ANKRD6: variants seen among roughly 807,000 people sequenced by gnomAD.
ANKRD6 encodes the protein ankyrin repeat domain 6.
ANKRD6 carries 56 observed loss-of-function variants against 82.3 expected under a neutral mutation model. That is an observed-to-expected ratio of 0.68 (90% CI 0.55 to 0.85). ANKRD6 has a LOEUF of 0.85. Among genes scored for constraint, ANKRD6 ranks in the 40% least tolerant of loss-of-function variants. The probability of loss-of-function intolerance (pLI) is 0.00; values close to 1 mark genes in which losing one functional copy is unlikely to be tolerated. For missense variants in ANKRD6, 852 were observed against 907.6 expected (o/e 0.94, Z 0.79); for synonymous variants, 347 against 352.1 (o/e 0.99, Z 0.16).
At chr6:89,626,691 T>C (rs1805813493) in intron 13 of ANKRD6, among the ~76,000 whole-genome samples, 1 of 152,214 alleles carries the variant, frequency 6.6e-6, no homozygotes, top group Non-Finnish European at 1.5e-5. Context: ...TTCCTAACAA[T>C]AGTTCCTTTC....
rs570916646 is a variant in ANKRD6, at chr6:89,557,809, T to G, written c.-143-9025T>G. ...CGGCAGCGTTAGATTCTTATAGGAG[T>G]GTGAACCCTACTGTGAACTGCACAT... On this transcript the variant is annotated intron_variant, in intron 1 of 15. Coordinates refer to ENST00000339746, the MANE Select transcript of ANKRD6 (RefSeq NM_001242809.2). Among the ~76,000 whole-genome samples the G allele has an allele frequency of 4.6e-5, 7 of 151,976 alleles. 1 individual carries two copies. The South Asian group carries it at 1.3e-3, about 27-fold the overall frequency.
intron 1 of ANKRD6, among the ~76,000 whole-genome samples, chr6:89,537,704 C>T (rs1784000199): frequency 6.6e-6 from 1 of 151,506 alleles, no homozygotes; most frequent in South Asian, 2.1e-4. Context: ...GCTTGACCAG[C>T]CTGGGTAACA....
At chr6:89,602,782 G>T (rs1797534355) in intron 3 of ANKRD6, 2 of 497,534 alleles carry the variant, frequency 4.0e-6, no homozygotes, top group African/African-American at 1.9e-5. Flanking sequence ...TGTGGCCGAG[G>T]GCTATTCTTG....
intron 1 of ANKRD6, among the ~76,000 whole-genome samples, chr6:89,452,834 A>G (rs1773018320): frequency 6.6e-6 from 1 of 152,184 alleles, no homozygotes; most frequent in Non-Finnish European, 1.5e-5. Flanking sequence ...CCTGGCGGCC[A>G]GGAAGGCCTG....
intron 1 of ANKRD6, among the ~76,000 whole-genome samples, chr6:89,516,634 T>C (rs534545462): frequency 2.0e-5 from 3 of 152,208 alleles, no homozygotes; most frequent in Admixed American, 6.5e-5. Context: ...GTGCCACCAC[T>C]CCCAGCTAAT....
intron 1 of ANKRD6, among the ~76,000 whole-genome samples, chr6:89,539,979 G>C (rs1461541410): frequency 6.6e-6 from 1 of 151,692 alleles, no homozygotes; most frequent in Non-Finnish European, 1.5e-5. Context: ...CTAATGACTG[G>C]ATCTCATTAT....
intron 1 of ANKRD6, among the ~76,000 whole-genome samples, chr6:89,471,371 A>C (rs1775441138): frequency 6.6e-6 from 1 of 151,304 alleles, no homozygotes; most frequent in African/African-American, 2.4e-5. Flanking sequence ...AAAAAAAAAA[A>C]AAAAAAAAAG....
intron 1 of ANKRD6, among the ~76,000 whole-genome samples, chr6:89,441,594 C>T (rs1255143820): frequency 6.7e-6 from 1 of 150,172 alleles, no homozygotes; most frequent in African/African-American, 2.5e-5. Flanking sequence ...CTGTGAGTGA[C>T]CATAGCCTTG....
intron 15 of ANKRD6, 121 bp from the exon 16 acceptor site, chr6:89,630,308 TGGTG>T (rs1807086037): frequency 8.9e-7 from 1 of 1,121,324 alleles, no homozygotes; most frequent in African/African-American, 1.6e-5. Flanking sequence ...ACGTTACACA[TGGTG>T]GGTGGTGATG....
Position 89,517,771 on chromosome 6 carries a change from G to C in ANKRD6, c.-143-49063G>C, listed in dbSNP as rs545818112. 4.7e-4 allele frequency among the ~76,000 whole-genome samples: 72 copies of C among 152,332 alleles called. 1 individual carries two copies. In the South Asian group the frequency reaches 0.015, roughly 31 times the overall value. On this transcript the variant is annotated intron_variant, in intron 1 of 15. Transcript: ENST00000339746. Reference sequence around the variant, plus strand: ...TTATGACAGTTAATTGCTAAACAGAGTAGATGCACAGAAACCCAGCTCTTG... The same window carrying C: ...TTATGACAGTTAATTGCTAAACAGACTAGATGCACAGAAACCCAGCTCTTG...
At position 89,632,244 on chromosome 6, in the gene ANKRD6, G is replaced by A. The variant is rs950345772; in HGVS notation, c.*1240G>A. On this transcript the variant is annotated 3_prime_UTR_variant, in exon 16 of 16. Coordinates refer to ENST00000339746, the MANE Select transcript of ANKRD6 (RefSeq NM_001242809.2). Reference sequence around the variant, plus strand: ...GCTCATTGAGCCAAAGAGAAGAAATGATTTATTAACATGGGGACACCAAGA... The same window carrying A: ...GCTCATTGAGCCAAAGAGAAGAAATAATTTATTAACATGGGGACACCAAGA... The A allele has an allele frequency of 6.6e-6, 1 of 152,138 alleles. No individual in the cohort carries two copies. Among genetic ancestry groups the A allele is most frequent in the Non-Finnish European group, 1.5e-5 (1 of 68,014 alleles). 9.4% of individuals were successfully genotyped at this position (152,138 alleles called of 1,614,324 possible).
chr6:89,554,473 T>C lies in ANKRD6; in HGVS notation c.-143-12361T>C, dbSNP rs1241276827. Reference sequence around the variant, plus strand: ...TTTTTTTTTGTCATATAAATTAATATAGATTCTGGGGACTAAGACATGGAC... The same window carrying C: ...TTTTTTTTTGTCATATAAATTAATACAGATTCTGGGGACTAAGACATGGAC... On this transcript the variant is annotated intron_variant, in intron 1 of 15. Coordinates refer to ENST00000339746, the MANE Select transcript of ANKRD6 (RefSeq NM_001242809.2). Among the ~76,000 whole-genome samples, 7 of 151,982 alleles carry C rather than the reference T, an allele frequency of 4.6e-5. No individual in the cohort carries two copies. The East Asian group carries it at 7.7e-4, about 17-fold the overall frequency.
At chr6:89,517,286 TTAA>T (rs1781346797) in intron 1 of ANKRD6, among the ~76,000 whole-genome samples, 1 of 152,256 alleles carries the variant, frequency 6.6e-6, no homozygotes, top group Non-Finnish European at 1.5e-5. Context: ...TAATAGTAGT[TTAA>T]TAATTTTATT....
chr6:89,536,272 C>T (rs963812194), intron 1 of ANKRD6, among the ~76,000 whole-genome samples: 1 of 152,240 alleles, frequency 6.6e-6, no homozygotes, highest in Admixed American at 6.5e-5. Flanking sequence ...GTGTGGCCCA[C>T]AGCAAAAAGC....
At chr6:89,610,532 ACAT>A (rs1799958664) in intron 5 of ANKRD6, among the ~76,000 whole-genome samples, 1 of 152,118 alleles carries the variant, frequency 6.6e-6, no homozygotes, top group African/African-American at 2.4e-5. Context: ...ATGCTTTTCC[ACAT>A]CATCGATATT....
At chr6:89,579,040 C>T (rs1009233266) in intron 2 of ANKRD6, among the ~76,000 whole-genome samples, 4 of 152,194 alleles carry the variant, frequency 2.6e-5, no homozygotes, top group African/African-American at 9.7e-5. Context: ...CTGTCCTTGC[C>T]TCCTGCACAC....
At position 89,623,985 on chromosome 6, in the gene ANKRD6, A is replaced by AC; in HGVS notation, c.1151dup (p.Pro385ThrfsTer3). 2 of 1,274,208 alleles carry AC rather than the reference A, an allele frequency of 1.6e-6. No homozygotes were observed. The highest frequency in any genetic ancestry group is 1.1e-6 in the Non-Finnish European group (1 of 923,154). 78.9% of individuals were successfully genotyped at this position (1,274,208 alleles called of 1,614,324 possible). On this transcript the variant is annotated frameshift_variant, in exon 12 of 16. Coordinates refer to ENST00000339746, the MANE Select transcript of ANKRD6 (RefSeq NM_001242809.2). LOFTEE classifies it high-confidence loss of function. Reference sequence around the variant, plus strand: ...GGAACAGGCATCGGTGTTCATCCCCACCCCCACCCCATGAGTTCAGGGCGT... The same window carrying AC: ...GGAACAGGCATCGGTGTTCATCCCCACCCCCCACCCCATGAGTTCAGGGCGT...
At chr6:89,503,407 C>T (rs1401266308) in intron 1 of ANKRD6, among the ~76,000 whole-genome samples, 3 of 152,280 alleles carry the variant, frequency 2.0e-5, no homozygotes, top group South Asian at 2.1e-4. Flanking sequence ...TGCTGCATCT[C>T]ATAAAGCCCC....
chr6:89,523,206 C>T (rs1240204211), intron 1 of ANKRD6, among the ~76,000 whole-genome samples: 2 of 152,202 alleles, frequency 1.3e-5, no homozygotes, highest in Non-Finnish European at 2.9e-5. Flanking sequence ...CTCAGGTTTG[C>T]GTTAGACAAG....
Sources: gnomAD v4.1 joint callset for allele counts (sites outside exome capture counted in the v4.1 genomes callset) on GRCh38, gnomAD v4.1.1 for gene constraint, MANE v1.5 for transcripts, NCBI Gene and HGNC (gene_info 2026-07-23, HGNC 2026-07-21) for gene names.